The following GALNT18 variants were observed in gnomAD, a reference collection of about 807,000 sequenced individuals.
The protein encoded by GALNT18 is GalNAc-transferase 18.
GALNT18 carries 44 observed loss-of-function variants against 69.5 expected under a neutral mutation model. The observed-to-expected ratio is 0.63, with a 90% CI of 0.50 to 0.81. The LOEUF (loss-of-function observed/expected upper bound fraction) is 0.81. GALNT18 is among the 40% of genes least tolerant of loss of function. The probability of loss-of-function intolerance (pLI) is 0.00; values close to 1 mark genes in which losing one functional copy is unlikely to be tolerated. For synonymous variants in GALNT18, 364 were observed against 318.2 expected (o/e 1.14, Z -1.53); for missense variants, 715 against 810.0 (o/e 0.88, Z 1.42).
At chr11:11,493,404 T>C (rs1355111143) in intron 1 of GALNT18, among the ~76,000 whole-genome samples, 1 of 152,000 alleles carries the variant, frequency 6.6e-6, no homozygotes, top group Non-Finnish European at 1.5e-5. Flanking sequence ...CATCTCCCAT[T>C]CATGAAAACC....
intron 3 of GALNT18, among the ~76,000 whole-genome samples, chr11:11,422,694 A>C (rs1855038001): frequency 6.6e-6 from 1 of 151,358 alleles, no homozygotes; most frequent in African/African-American, 2.4e-5. Flanking sequence ...GCCTGGAATG[A>C]GTATCTCTTG....
chr11:11,362,707 A>T (rs945431502), intron 6 of GALNT18, among the ~76,000 whole-genome samples: 2 of 152,208 alleles, frequency 1.3e-5, no homozygotes, highest in African/African-American at 4.8e-5. Context: ...CTGTGAGAAG[A>T]CAGGCACCTT....
intron 1 of GALNT18, among the ~76,000 whole-genome samples, chr11:11,464,452 T>A (rs551330970): frequency 1.3e-5 from 2 of 152,284 alleles, no homozygotes; most frequent in South Asian, 4.1e-4. Context: ...CTTGGTCCCA[T>A]GAACATCTCC....
chr11:11,289,734 G>GGAAAGAGGGTAGAA (rs1849264139), intron 10 of GALNT18, among the ~76,000 whole-genome samples: 1 of 152,188 alleles, frequency 6.6e-6, no homozygotes, highest in African/African-American at 2.4e-5. Context: ...TGTGAGGGCT[G>GGAAAGAGGGTAGAA]GAAAGAGGGT....
Position 11,541,095 on chromosome 11 carries a change from C to T in GALNT18, c.235+80264G>A, listed in dbSNP as rs991582487. ...TTCCCTGCATGTCCCACATCCACTTCTCAGACCATAGTGTTCCCCACTGGC... is the reference window on the plus strand; with the variant it reads ...TTCCCTGCATGTCCCACATCCACTTTTCAGACCATAGTGTTCCCCACTGGC... On this transcript the variant is annotated intron_variant, in intron 1 of 10. Transcript: ENST00000227756. This position sits in a 1 kb window ranked among gnomAD's most constrained non-coding sequence, Gnocchi z 4.8. 4.6e-5 allele frequency among the ~76,000 whole-genome samples: 7 copies of T among 152,216 alleles called. No individual in the cohort carries two copies. Among genetic ancestry groups the T allele is most frequent in the African/African-American group, 1.7e-4 (7 of 41,468 alleles).
At chr11:11,297,635 G>T (rs946941787) in intron 9 of GALNT18, among the ~76,000 whole-genome samples, 1 of 152,122 alleles carries the variant, frequency 6.6e-6, no homozygotes, top group African/African-American at 2.4e-5. Context: ...AGAGCTGGAG[G>T]AGCCTAGAAT....
At chr11:11,608,367 G>GC (rs1554957542) in intron 1 of GALNT18, among the ~76,000 whole-genome samples, 1 of 151,518 alleles carries the variant, frequency 6.6e-6, no homozygotes, top group Non-Finnish European at 1.5e-5. Flanking sequence ...TTTGTTTTTT[G>GC]GTTTTTTTTT....
At chr11:11,353,494 A>G (rs10734181) in intron 6 of GALNT18, 298,411 of 306,452 alleles carry the variant, frequency 0.97, 145,732 homozygotes, top group South Asian at 1. Context: ...TATTCAAAGC[A>G]CATCTCCTGG....
Position 11,399,984 on chromosome 11 carries a change from T to C in GALNT18, c.596-20720A>G, listed in dbSNP as rs149211562. Among the ~76,000 whole-genome samples the C allele has an allele frequency of 1.1e-3, 167 of 152,376 alleles. 1 individual carries two copies. Among genetic ancestry groups the C allele is most frequent in the African/African-American group, 4.0e-3 (165 of 41,596 alleles). On this transcript the variant is annotated intron_variant, in intron 3 of 10. Coordinates refer to ENST00000227756, the MANE Select transcript of GALNT18 (RefSeq NM_198516.3). ...ATTTTTATCTTCAAAAATGAAGCTT[T>C]ATTTCTATTTAATTGAGTGTGGGCT...
Position 11,356,430 on chromosome 11 carries a change from C to G in GALNT18, c.1093-15426G>C, listed in dbSNP as rs1202306880. Among the ~76,000 whole-genome samples the G allele has an allele frequency of 6.6e-6, 1 of 152,168 alleles. No homozygotes were observed. Among genetic ancestry groups the G allele is most frequent in the South Asian group, 2.1e-4 (1 of 4,830 alleles). On this transcript the variant is annotated intron_variant, in intron 6 of 10. Coordinates refer to ENST00000227756, the MANE Select transcript of GALNT18 (RefSeq NM_198516.3). This position sits in a 1 kb window ranked among gnomAD's most constrained non-coding sequence, Gnocchi z 4.4. ...AACAAAAATGGAAACAAAAGGGAGACAGAAAATGACTCTGGGGAGCTTTAA... is the reference window on the plus strand; with the variant it reads ...AACAAAAATGGAAACAAAAGGGAGAGAGAAAATGACTCTGGGGAGCTTTAA...
At chr11:11,299,918 C>T (rs1324307207) in intron 9 of GALNT18, among the ~76,000 whole-genome samples, 1 of 152,176 alleles carries the variant, frequency 6.6e-6, no homozygotes, top group Non-Finnish European at 1.5e-5. Flanking sequence ...ATCATCCAAT[C>T]CCCTCTTCTA....
chr11:11,579,993 G>A (rs1326768927), intron 1 of GALNT18, among the ~76,000 whole-genome samples: 1 of 152,202 alleles, frequency 6.6e-6, no homozygotes, highest in African/African-American at 2.4e-5. Flanking sequence ...CTTCCTAGAG[G>A]ATGAGAGGAA....
chr11:11,360,730 T>C (rs1233098256), intron 6 of GALNT18, among the ~76,000 whole-genome samples: 2 of 152,208 alleles, frequency 1.3e-5, no homozygotes, highest in African/African-American at 4.8e-5. Context: ...ATCATGTTAA[T>C]ATTCATTTCT....
chr11:11,275,752 G>T (rs1303312227), intron 10 of GALNT18, among the ~76,000 whole-genome samples: 2 of 152,134 alleles, frequency 1.3e-5, no homozygotes, highest in Non-Finnish European at 2.9e-5. Flanking sequence ...TCTGCATATG[G>T]CTAGCCAGTT....
At chr11:11,271,351 A>G in intron 10 of GALNT18, 61 bp from the exon 11 acceptor site, 1 of 1,562,894 alleles carries the variant, frequency 6.4e-7, no homozygotes, top group Non-Finnish European at 8.8e-7. Flanking sequence ...GAAATTCGGG[A>G]GCCTCAGGCC....
chr11:11,324,503 C>T (rs980231669), intron 9 of GALNT18, among the ~76,000 whole-genome samples: 4 of 152,144 alleles, frequency 2.6e-5, no homozygotes, highest in Non-Finnish European at 5.9e-5. Context: ...CAGGTAATAG[C>T]AGGGATGTAT....
rs551938217 is a variant in GALNT18 at position 11,506,743 on chromosome 11, C to A, written c.236-57807G>T. Among the ~76,000 whole-genome samples, 48 of 152,228 alleles carry A rather than the reference C, an allele frequency of 3.2e-4. 1 individual carries two copies. The highest frequency in any genetic ancestry group is 1.2e-3 in the East Asian group (6 of 5,176). Reference sequence around the variant, plus strand: ...ATGCTGCTTCCAGATACTGAGGGGACAAAACTTCCAGTCAATGGGCAAGAA... The same window carrying A: ...ATGCTGCTTCCAGATACTGAGGGGAAAAAACTTCCAGTCAATGGGCAAGAA... On this transcript the variant is annotated intron_variant, in intron 1 of 10. Transcript: ENST00000227756.
chr11:11,593,735 C>T (rs1859418983), intron 1 of GALNT18, among the ~76,000 whole-genome samples: 1 of 152,096 alleles, frequency 6.6e-6, no homozygotes, highest in Non-Finnish European at 1.5e-5. Flanking sequence ...TTGAGACCAG[C>T]CTGGGTAACA....
rs1346278438 is a variant in GALNT18, at chr11:11,604,030, A to G, written c.235+17329T>C. 6.6e-6 allele frequency among the ~76,000 whole-genome samples: 1 copy of G among 152,136 alleles called. No homozygotes were observed. The highest frequency in any genetic ancestry group is 1.5e-5 in the Non-Finnish European group (1 of 68,024). On this transcript the variant is annotated intron_variant, in intron 1 of 10. Transcript: ENST00000227756. The surrounding 1 kb of genome is among the most constrained non-coding windows in gnomAD (Gnocchi z 5.6). ...GGAACCTCAGAAAGCTGTTTTGTCT[A>G]TTCTACCATGTGAAACACAAAGGTG...
Sources: allele counts gnomAD v4.1 joint callset (sites outside exome capture counted in the v4.1 genomes callset), GRCh38; gene constraint gnomAD v4.1.1; non-coding constraint Gnocchi (gnomAD v3.1); transcripts MANE v1.5; gene names NCBI Gene and HGNC (gene_info 2026-07-23, HGNC 2026-07-21).